Variants in ERLIN1 observed in about 807,000 individuals in gnomAD.
The protein encoded by ERLIN1 is ER lipid raft associated 1.
In ERLIN1, 24 loss-of-function variants were observed where a neutral mutation model predicts 46.9. That is an observed-to-expected ratio of 0.51 (90% confidence interval 0.37 to 0.72). The LOEUF (loss-of-function observed/expected upper bound fraction) is 0.72, where lower values mean the gene tolerates loss of function less well. Ranked by LOEUF, ERLIN1 falls within the 30% of genes least tolerant of loss-of-function variation. The pLI is 0.00. For synonymous variants in ERLIN1, 158 were observed against 143.2 expected (o/e 1.10, Z -0.74); for missense variants, 293 against 417.9 (o/e 0.70, Z 2.61).
At position 100,185,671 on chromosome 10, in the gene ERLIN1, G is replaced by A. The variant is rs201562559; in HGVS notation, c.-45C>T. The A allele has an allele frequency of 6.7e-7, 1 of 1,486,332 alleles. No individual in the cohort carries two copies. Among genetic ancestry groups the A allele is most frequent in the East Asian group, 2.3e-5 (1 of 44,218 alleles). The allele number at this position is 1,486,332 out of a possible 1,614,324, so 92.1% of individuals were successfully genotyped here. ...GGGAGAAAAGGACCCTCAGTCCCGT[G>A]AGTGACAGGTCCACCCCCTCCAGTT... is the stretch of plus-strand genomic sequence containing the variant. On this transcript the variant is annotated 5_prime_UTR_variant, in exon 1 of 11. Transcript: ENST00000421367.
intron 6 of ERLIN1, 101 bp downstream of exon 6, chr10:100,174,107 T>C (rs534985020): frequency 3.0e-5 from 22 of 740,796 alleles, no homozygotes; most frequent in African/African-American, 1.2e-4. Flanking sequence ...TAAATCACCA[T>C]AGCATCTCAA....
intron 8 of ERLIN1, among the ~76,000 whole-genome samples, chr10:100,158,139 T>C (rs1843171049): frequency 6.6e-6 from 1 of 152,102 alleles, no homozygotes; most frequent in South Asian, 2.1e-4. Flanking sequence ...CTTGTGATAT[T>C]AGGACTAAGA....
chr10:100,176,963 A>G (rs1189104807), intron 4 of ERLIN1, among the ~76,000 whole-genome samples: 5 of 152,138 alleles, frequency 3.3e-5, no homozygotes, highest in Non-Finnish European at 7.4e-5. Flanking sequence ...CTCTACTAAA[A>G]ATACAAAAAT....
intron 7 of ERLIN1, among the ~76,000 whole-genome samples, chr10:100,166,285 T>C (rs2134134243): frequency 6.6e-6 from 1 of 152,136 alleles, no homozygotes; most frequent in South Asian, 2.1e-4. Context: ...CTAGGTGTGG[T>C]GGCATGCACT....
intron 3 of ERLIN1, 117 bp from the exon 4 acceptor site, chr10:100,178,311 A>C: frequency 1.6e-6 from 1 of 641,300 alleles, no homozygotes; most frequent in Non-Finnish European, 2.7e-6. Flanking sequence ...AAACACAGAA[A>C]GAGTTCGCTT....
intron 8 of ERLIN1, among the ~76,000 whole-genome samples, chr10:100,159,173 G>A (rs956299843): frequency 6.6e-6 from 1 of 152,028 alleles, no homozygotes; most frequent in African/African-American, 2.4e-5. Flanking sequence ...TAGCTCTTAA[G>A]TTAAAAACAT....
chr10:100,182,486 C>T (rs1844717107), intron 2 of ERLIN1, among the ~76,000 whole-genome samples: 1 of 152,124 alleles, frequency 6.6e-6, no homozygotes, highest in South Asian at 2.1e-4. Flanking sequence ...GTCATGCCAC[C>T]AACTGGCGGT....
intron 2 of ERLIN1, among the ~76,000 whole-genome samples, chr10:100,183,508 C>A (rs1033844721): frequency 1.3e-5 from 2 of 152,170 alleles, no homozygotes; most frequent in South Asian, 4.1e-4. Flanking sequence ...CTATATACCA[C>A]GATATAGATG....
intron 8 of ERLIN1, 88 bp from the exon 9 acceptor site, chr10:100,156,322 T>A: frequency 1.3e-6 from 1 of 767,018 alleles, no homozygotes. Flanking sequence ...AGTCTAACAT[T>A]TAATTACAGA....
intron 5 of ERLIN1, among the ~76,000 whole-genome samples, chr10:100,175,584 T>A (rs1424669154): frequency 6.6e-6 from 1 of 152,190 alleles, no homozygotes; most frequent in Admixed American, 6.5e-5. Context: ...TAATAAATCT[T>A]AGCTGTGAAC....
chr10:100,169,113 CCAT>C (rs1195880549), intron 6 of ERLIN1, among the ~76,000 whole-genome samples: 3 of 152,140 alleles, frequency 2.0e-5, no homozygotes, highest in African/African-American at 7.2e-5. Context: ...TGTACAGATA[CCAT>C]GAGTAAGTTG....
intron 2 of ERLIN1, among the ~76,000 whole-genome samples, chr10:100,181,513 CT>C (rs34628060): frequency 2.3e-3 from 293 of 126,978 alleles, no homozygotes; most frequent in Non-Finnish European, 2.4e-3. Flanking sequence ...TAAGAACACT[CT>C]TTTTTTTTTT....
At chr10:100,167,108 C>A (rs1245116714) in intron 7 of ERLIN1, among the ~76,000 whole-genome samples, 1 of 152,142 alleles carries the variant, frequency 6.6e-6, no homozygotes, top group African/African-American at 2.4e-5. Context: ...AGTTTTACAG[C>A]AAACTGCATC....
At chr10:100,167,156 A>G (rs1017962134) in intron 7 of ERLIN1, among the ~76,000 whole-genome samples, 192 bp downstream of exon 7, 4 of 152,222 alleles carry the variant, frequency 2.6e-5, no homozygotes, top group African/African-American at 9.6e-5. Flanking sequence ...GTCCATACAT[A>G]AAGAGAACAC....
rs184406024 is a variant in ERLIN1, at chr10:100,172,799, T to C, written c.504+1409A>G. On this transcript the variant is annotated intron_variant, in intron 6 of 10. Coordinates refer to ENST00000421367, the MANE Select transcript of ERLIN1 (RefSeq NM_006459.4). ...TGTGTCATGAATGTTCATTACACTA[T>C]TGTTTAATAGCAAAAAACTGGGAAC... Among the ~76,000 whole-genome samples the C allele has an allele frequency of 1.5e-3, 231 of 152,350 alleles. 1 individual carries two copies. The highest frequency in any genetic ancestry group is 0.014 in the East Asian group (73 of 5,192).
rs1844947876 is a variant in ERLIN1 at position 100,185,891 on chromosome 10, G to C, written c.-265C>G. 1.9e-6 allele frequency: 1 copy of C among 513,232 alleles called. No homozygotes were observed. Among genetic ancestry groups the C allele is most frequent in the South Asian group, 2.9e-5 (1 of 34,664 alleles). 31.8% of individuals were successfully genotyped at this position (513,232 alleles called of 1,614,324 possible). A position where few individuals can be genotyped will look rare whatever the true frequency, so the allele number is the denominator to read the frequency against. ...CCTCTCCCAAGGGTCGCTCCCGGGTGGAAGGCACTAACTGAGAAGAAGCCC... is the reference window on the plus strand; with the variant it reads ...CCTCTCCCAAGGGTCGCTCCCGGGTCGAAGGCACTAACTGAGAAGAAGCCC... On this transcript the variant is annotated 5_prime_UTR_variant, in exon 1 of 11. Coordinates refer to ENST00000421367, the MANE Select transcript of ERLIN1 (RefSeq NM_006459.4).
In ERLIN1 at chr10:100,185,813, T is replaced by A. The variant is rs1420428752; in HGVS notation, c.-187A>T. The A allele has an allele frequency of 1.7e-6, 1 of 588,378 alleles. No homozygotes were observed. Among genetic ancestry groups the A allele is most frequent in the South Asian group, 2.0e-5 (1 of 49,194 alleles). The allele number at this position is 588,378 out of a possible 1,614,324, so 36.4% of individuals were successfully genotyped here. On this transcript the variant is annotated 5_prime_UTR_variant, in exon 1 of 11. Transcript: ENST00000421367. ...AGCCCGCTGACCCCTTGCCAACTCC[T>A]CCGCCCCCGGAGGCCAGTGGGCCGC...
chr10:100,171,613 G>A (rs1299098887), intron 6 of ERLIN1, among the ~76,000 whole-genome samples: 1 of 152,074 alleles, frequency 6.6e-6, no homozygotes, highest in Non-Finnish European at 1.5e-5. Flanking sequence ...GTCTCACTAT[G>A]TTGTCCAAGC....
At chr10:100,165,676 C>A (rs1006455055) in intron 7 of ERLIN1, among the ~76,000 whole-genome samples, 1 of 152,156 alleles carries the variant, frequency 6.6e-6, no homozygotes, top group African/African-American at 2.4e-5. Flanking sequence ...CATGAGCCAC[C>A]GCACCCAGCC....
Sources: allele counts gnomAD v4.1 joint callset (sites outside exome capture counted in the v4.1 genomes callset), GRCh38; gene constraint gnomAD v4.1.1; transcripts MANE v1.5; gene names NCBI Gene and HGNC (gene_info 2026-07-23, HGNC 2026-07-21).